CYB561A3: variants seen among roughly 807,000 people sequenced by gnomAD.
CYB561A3 encodes cytochrome b561 family member A3, also known as lysosomal membrane ascorbate-dependent ferrireductase CYB561A3.
In CYB561A3, 16 loss-of-function variants were observed where a neutral mutation model predicts 25.3. That is an observed-to-expected ratio of 0.63 (90% confidence interval 0.43 to 0.96). CYB561A3 has a LOEUF of 0.96. Among genes scored for constraint, CYB561A3 ranks in the 40% least tolerant of loss-of-function variants. The probability of loss-of-function intolerance (pLI) is 0.00; values close to 1 mark genes in which losing one functional copy is unlikely to be tolerated. For missense variants in CYB561A3, 219 were observed against 307.5 expected (o/e 0.71, Z 2.15); for synonymous variants, 131 against 129.9 (o/e 1.01, Z -0.06).
At chr11:61,357,057 A>C in intron 2 of CYB561A3, 3 of 1,419,992 alleles carry the variant, frequency 2.1e-6, no homozygotes, top group Non-Finnish European at 2.9e-6. Context: ...CAGGACCAGA[A>C]GGTAAAGAAT....
intron 1 of CYB561A3, chr11:61,359,554 AG>A (rs2135133575): frequency 6.6e-6 from 1 of 152,304 alleles, no homozygotes; most frequent in Admixed American, 6.5e-5. Flanking sequence ...GCAGTCCGAA[AG>A]GATCTGTAGC....
intron 3 of CYB561A3, chr11:61,354,231 T>A: frequency 1.8e-6 from 1 of 549,134 alleles, no homozygotes; most frequent in Non-Finnish European, 3.3e-6. Context: ...GGCTCATGCC[T>A]GTAATTCCAG....
chr11:61,356,356 C>G, intron 3 of CYB561A3, 174 bp downstream of exon 3: 1 of 883,764 alleles, frequency 1.1e-6, no homozygotes. Flanking sequence ...TCTGAGATGC[C>G]CCCCATCTTA....
rs565633437 is a variant in CYB561A3 at position 61,356,641 on chromosome 11, T to C, written c.73A>G (p.Ile25Val). ...CCACGCCAGTACTGCATCCAGTAGATAGTGAAGAGGATGCACATAGAGCCC... is the reference window on the plus strand; with the variant it reads ...CCACGCCAGTACTGCATCCAGTAGACAGTGAAGAGGATGCACATAGAGCCC... The part of the protein sequence containing the change: ...SLGSMCILFT[I>V]YWMQYWRGGF... Residue 25 changes from isoleucine to valine, a missense_variant, in exon 3 of 7, where the codon ATC becomes GTC. Transcript: ENST00000294072. 1 of 1,614,140 alleles carries C rather than the reference T, an allele frequency of 6.2e-7. No individual in the cohort carries two copies. Among genetic ancestry groups the C allele is most frequent in the Non-Finnish European group, 8.5e-7 (1 of 1,180,028 alleles).
intron 4 of CYB561A3, 150 bp downstream of exon 4, chr11:61,353,634 C>T: frequency 1.1e-6 from 1 of 904,322 alleles, no homozygotes; most frequent in South Asian, 1.4e-5. Context: ...CTCCCACAGC[C>T]CTTGAATAAA....
intron 1 of CYB561A3, chr11:61,360,640 G>A (rs574658763): frequency 1.3e-5 from 2 of 152,280 alleles, no homozygotes; most frequent in East Asian, 3.9e-4. Flanking sequence ...TCACATCCAG[G>A]GGTAAGAAAT....
rs1235872939 is a variant in CYB561A3, at chr11:61,357,222, G to A, written c.-15-494C>T. 3 of 1,551,462 alleles carry A rather than the reference G, an allele frequency of 1.9e-6. No individual in the cohort carries two copies. The highest frequency in any genetic ancestry group is 4.9e-5 in the East Asian group (2 of 40,922). On this transcript the variant is annotated intron_variant, in intron 2 of 6. Transcript: ENST00000294072. ...TATTACCCTAGACAGGAAGGAGTCA[G>A]AAAAGTTCTTCCCCATAGAGTAAGC...
At chr11:61,354,892 A>T (rs1214705112) in intron 3 of CYB561A3, among the ~76,000 whole-genome samples, 1 of 136,504 alleles carries the variant, frequency 7.3e-6, no homozygotes, top group African/African-American at 2.8e-5. Flanking sequence ...TTTTTGAGAC[A>T]GAGTCTCGTT....
In CYB561A3 at chr11:61,348,976, G is replaced by A. The variant is rs546276567; in HGVS notation, c.*1423C>T. 9 of 155,808 alleles carry A rather than the reference G, an allele frequency of 5.8e-5. No homozygotes were observed. Among genetic ancestry groups the A allele is most frequent in the Non-Finnish European group, 8.6e-5 (6 of 69,964 alleles). 9.7% of individuals were successfully genotyped at this position (155,808 alleles called of 1,614,324 possible). ...ATATTAGCCCTTCTGCCAACATCTG[G>A]CAATGTGAGGCTGGGGTGGACGTTG... is the stretch of plus-strand genomic sequence containing the variant. On this transcript the variant is annotated 3_prime_UTR_variant, in exon 7 of 7. Coordinates refer to ENST00000294072, the MANE Select transcript of CYB561A3 (RefSeq NM_153611.6).
In CYB561A3 at chr11:61,353,998, G is replaced by T. The variant is rs759140552; in HGVS notation, c.185-6C>A. On this transcript the variant is annotated splice_region_variant and splice_polypyrimidine_tract_variant and intron_variant, in intron 3 of 6. Coordinates refer to ENST00000294072, the MANE Select transcript of CYB561A3 (RefSeq NM_153611.6). Reference sequence around the variant, plus strand: ...CAGGCGGTACACCAGTGACGCTGCAGGAGAGAGTAGTGCCAGGGCTCAGCC... The same window carrying T: ...CAGGCGGTACACCAGTGACGCTGCATGAGAGAGTAGTGCCAGGGCTCAGCC... The T allele has an allele frequency of 1.2e-6, 2 of 1,613,820 alleles. No homozygotes were observed. The highest frequency in any genetic ancestry group is 2.2e-5 in the South Asian group (2 of 91,072).
At position 61,349,888 on chromosome 11, in the gene CYB561A3, G is replaced by A; in HGVS notation, c.*511C>T. On this transcript the variant is annotated 3_prime_UTR_variant, in exon 7 of 7. Coordinates refer to ENST00000294072, the MANE Select transcript of CYB561A3 (RefSeq NM_153611.6). ...AATGCACACCTTTATGGGGGAAGTG[G>A]ACGGACACCTCACCTCCCTCATGTT... 1 of 536,510 alleles carries A rather than the reference G, an allele frequency of 1.9e-6. No homozygotes were observed. The highest frequency in any genetic ancestry group is 3.4e-6 in the Non-Finnish European group (1 of 295,752). 33.2% of individuals were successfully genotyped at this position (536,510 alleles called of 1,614,324 possible). A position where few individuals can be genotyped will look rare whatever the true frequency, so the allele number is the denominator to read the frequency against.
At chr11:61,361,959 A>C (rs1414711712), upstream of CYB561A3, 1 of 152,288 alleles carries the variant, frequency 6.6e-6, no homozygotes, top group East Asian at 1.9e-4. Flanking sequence ...TGGGAAGTGA[A>C]GTCCGGAGAC....
intron 1 of CYB561A3, chr11:61,359,956 G>A (rs1857782227): frequency 6.6e-6 from 1 of 152,454 alleles, no homozygotes; most frequent in African/African-American, 2.4e-5. Context: ...AGGAGGCAGA[G>A]GTTGCAGTGA....
At position 61,349,509 on chromosome 11, in the gene CYB561A3, A is replaced by G. The variant is rs1456133487; in HGVS notation, c.*890T>C. On this transcript the variant is annotated 3_prime_UTR_variant, in exon 7 of 7. Transcript: ENST00000294072. ...AAGTCCACAGCCACCTCTGTTACTC[A>G]TCGCTACTGGGACATCTGGGGACAG... The G allele has an allele frequency of 1.4e-6, 1 of 702,180 alleles. No homozygotes were observed. 43.5% of individuals were successfully genotyped at this position (702,180 alleles called of 1,614,324 possible).
At position 61,349,595 on chromosome 11, in the gene CYB561A3, C is replaced by T. The variant is rs190949677; in HGVS notation, c.*804G>A. The T allele has an allele frequency of 4.8e-5, 34 of 702,968 alleles. No individual in the cohort carries two copies. In the Admixed American group the frequency reaches 6.2e-4, roughly 13 times the overall value. 43.5% of individuals were successfully genotyped at this position (702,968 alleles called of 1,614,324 possible). A position where few individuals can be genotyped will look rare whatever the true frequency, so the allele number is the denominator to read the frequency against. ...TAGGGCTGCCTGCCGGTGACAGACA[C>T]GTAAGTCACAGGGAAAGGCCGGGAT... On this transcript the variant is annotated 3_prime_UTR_variant, in exon 7 of 7. Transcript: ENST00000294072.
intron 4 of CYB561A3, 189 bp from the exon 5 acceptor site, chr11:61,353,328 A>G (rs1857506245): frequency 8.2e-6 from 6 of 728,066 alleles, no homozygotes; most frequent in South Asian, 7.6e-5. Flanking sequence ...CAAGAACAGT[A>G]AATGACATGC....
intron 1 of CYB561A3, chr11:61,358,839 C>T (rs1364135285): frequency 6.6e-6 from 1 of 152,296 alleles, no homozygotes; most frequent in Non-Finnish European, 1.5e-5. Flanking sequence ...CAGTGGCCCT[C>T]AGCCATGCCA....
chr11:61,353,435 A>T, intron 4 of CYB561A3: 1 of 635,254 alleles, frequency 1.6e-6, no homozygotes, highest in Non-Finnish European at 2.9e-6. Flanking sequence ...CACAGGCCTG[A>T]GATCAGAATA....
chr11:61,355,942 A>C (rs1450811520), intron 3 of CYB561A3: 1 of 151,794 alleles, frequency 6.6e-6, no homozygotes. Flanking sequence ...ACAAAAAAAA[A>C]TTAGCCGGTC....
Sources: allele counts gnomAD v4.1 joint callset (sites outside exome capture counted in the v4.1 genomes callset), GRCh38; gene constraint gnomAD v4.1.1; transcripts MANE v1.5; gene names NCBI Gene and HGNC (gene_info 2026-07-23, HGNC 2026-07-21).